Variants in FNDC1 observed in about 807,000 individuals in gnomAD.
The protein encoded by FNDC1 is fibronectin type III domain containing 1.
In FNDC1, 96 loss-of-function variants were observed where a neutral mutation model predicts 168.0. That is an observed-to-expected ratio of 0.57 (90% confidence interval 0.48 to 0.68). FNDC1 has a LOEUF of 0.68. FNDC1 is among the 30% of genes least tolerant of loss of function. FNDC1 has a pLI of 0.00. For synonymous variants in FNDC1, 1,099 were observed against 1,025.9 expected (o/e 1.07, Z -1.36); for missense variants, 2,587 against 2,482.1 (o/e 1.04, Z -0.90).
chr6:159,225,456 G>A (rs1252146965), intron 7 of FNDC1, 79 bp from the exon 8 acceptor site: 4 of 1,186,952 alleles, frequency 3.4e-6, no homozygotes, highest in Admixed American at 4.4e-5. Context: ...CATCACTTAT[G>A]AGGAAGGAAA....
chr6:159,192,807 T>C (rs1003462336), intron 1 of FNDC1, among the ~76,000 whole-genome samples: 11 of 152,286 alleles, frequency 7.2e-5, no homozygotes, highest in African/African-American at 2.6e-4. Flanking sequence ...TCCCTACTTC[T>C]TGGAGCCCAG....
At chr6:159,215,674 C>T (rs1782695204) in intron 5 of FNDC1, among the ~76,000 whole-genome samples, 1 of 152,128 alleles carries the variant, frequency 6.6e-6, no homozygotes, top group African/African-American at 2.4e-5. Context: ...CACAATAGGC[C>T]ATCTGCAGGC....
At position 159,271,457 on chromosome 6, in the gene FNDC1, T is replaced by C; in HGVS notation, c.*15T>C. The C allele has an allele frequency of 6.3e-7, 1 of 1,580,644 alleles. No individual in the cohort carries two copies. Among genetic ancestry groups the C allele is most frequent in the Non-Finnish European group, 8.6e-7 (1 of 1,157,694 alleles). ...GAAAGTGGTAATCACAGGACCGTCA[T>C]GCTGCAAGCTTGCCCTGCCCAGCCC... On this transcript the variant is annotated 3_prime_UTR_variant, in exon 23 of 23. Coordinates refer to ENST00000297267, the MANE Select transcript of FNDC1 (RefSeq NM_032532.3).
chr6:159,234,314 A>T lies in FNDC1; in HGVS notation c.3802A>T (p.Thr1268Ser). 3.1e-6 allele frequency: 5 copies of T among 1,608,690 alleles called. No individual in the cohort carries two copies. Among genetic ancestry groups the T allele is most frequent in the Non-Finnish European group, 4.2e-6 (5 of 1,177,748 alleles). Residue 1268 changes from threonine (T) to serine (S), a missense_variant, in exon 11 of 23, where the codon ACC becomes TCC. Thr to Ser is a moderately conservative substitution (Grantham distance 58). Coordinates refer to ENST00000297267, the MANE Select transcript of FNDC1 (RefSeq NM_032532.3). ...CCGACTGCCGCCTCGCAGCGCTGCC[A>T]CCGTGAGCCCCGTCGCGGGCACCCA... is the stretch of plus-strand genomic sequence containing the variant. ...PSRLPPRSAA[T>S]VSPVAGTHPW...
chr6:159,264,261 G>A (rs1777549172), intron 19 of FNDC1, among the ~76,000 whole-genome samples: 2 of 152,192 alleles, frequency 1.3e-5, no homozygotes, highest in Admixed American at 6.5e-5. Flanking sequence ...CTAGTTTATA[G>A]GCAAACATTC....
Position 159,232,079 on chromosome 6 carries a change from C to T in FNDC1, c.1567C>T (p.Pro523Ser). ...GGCTAATGGTGGGGCGCCCCGAAAA[C>T]CCCAGCTTCGCGCCAAGAAGGCAGA... ...ILANGGAPRK[P>S]QLRAKKAEEL... The change falls in exon 11 of 23, where the codon CCC (proline) becomes TCC (serine). Residue 523 changes from proline to serine, a missense_variant. Physicochemically the swap from Pro to Ser is moderately conservative, Grantham distance 74 (BLOSUM62 -1). Transcript: ENST00000297267. This position sits in a 1 kb window ranked among gnomAD's most constrained non-coding sequence, Gnocchi z 4.9. 1 of 1,613,834 alleles carries T rather than the reference C, an allele frequency of 6.2e-7. No individual in the cohort carries two copies. Among genetic ancestry groups the T allele is most frequent in the Non-Finnish European group, 8.5e-7 (1 of 1,179,816 alleles).
intron 9 of FNDC1, among the ~76,000 whole-genome samples, chr6:159,227,463 C>T (rs962179106): frequency 2.6e-5 from 4 of 152,134 alleles, no homozygotes; most frequent in African/African-American, 7.2e-5. Flanking sequence ...TTGAGAATTT[C>T]TTAATTGAAA....
At chr6:159,207,295 G>A (rs1398584428) in intron 4 of FNDC1, among the ~76,000 whole-genome samples, 2 of 152,184 alleles carry the variant, frequency 1.3e-5, no homozygotes, top group Non-Finnish European at 2.9e-5. Flanking sequence ...AGGCTGATGA[G>A]CGACTGTTCC....
chr6:159,269,780 C>A (rs914636493), intron 22 of FNDC1, among the ~76,000 whole-genome samples: 1 of 152,178 alleles, frequency 6.6e-6, no homozygotes, highest in Non-Finnish European at 1.5e-5. Context: ...CACTTGCAGG[C>A]AGAGTTACCT....
chr6:159,214,792 A>G (rs907574790), intron 4 of FNDC1, among the ~76,000 whole-genome samples, 153 bp from the exon 5 acceptor site: 1 of 152,164 alleles, frequency 6.6e-6, no homozygotes, highest in African/African-American at 2.4e-5. Flanking sequence ...CCCTTGGGGG[A>G]AAAATGTCCT....
At chr6:159,212,055 C>G (rs1782617326) in intron 4 of FNDC1, among the ~76,000 whole-genome samples, 1 of 152,202 alleles carries the variant, frequency 6.6e-6, no homozygotes, top group Admixed American at 6.5e-5. Context: ...ATACTTGAAT[C>G]CTGTCTGGTT....
chr6:159,182,728 ATAGCATATTCAAAGATGTT>A (rs1262274443), intron 1 of FNDC1, among the ~76,000 whole-genome samples: 1 of 152,212 alleles, frequency 6.6e-6, no homozygotes, highest in Non-Finnish European at 1.5e-5. Flanking sequence ...ACCCAATTGA[ATAGCATATTCAAAGATGTT>A]TACCTTTGAA....
rs983153769 is a variant in FNDC1, at chr6:159,225,826, C to T, written c.1072+104C>T. On this transcript the variant is annotated intron_variant, in intron 8 of 22. Coordinates refer to ENST00000297267, the MANE Select transcript of FNDC1 (RefSeq NM_032532.3). ...CAATAGTGACAAAGGCCAGCGTGGG[C>T]ATTTTTGAAAGTCATGTTAATCCTA... 27 of 1,001,372 alleles carry T rather than the reference C, an allele frequency of 2.7e-5. No individual in the cohort carries two copies. In the Middle Eastern group the frequency reaches 6.5e-4, roughly 24 times the overall value. The allele number at this position is 1,001,372 out of a possible 1,614,324, so 62.0% of individuals were successfully genotyped here.
At chr6:159,182,576 A>G (rs368533477) in intron 1 of FNDC1, among the ~76,000 whole-genome samples, 1 of 152,210 alleles carries the variant, frequency 6.6e-6, no homozygotes, top group Non-Finnish European at 1.5e-5. Context: ...CTCAGCTGAT[A>G]GTAAATGCCT....
intron 6 of FNDC1, among the ~76,000 whole-genome samples, chr6:159,222,362 G>A (rs999327501): frequency 1.3e-5 from 2 of 152,178 alleles, no homozygotes; most frequent in Admixed American, 1.3e-4. Flanking sequence ...CAAATACAAT[G>A]TTTCTCTCTT....
chr6:159,214,975 T>G lies in FNDC1; in HGVS notation c.491T>G (p.Val164Gly), dbSNP rs1782679786. The stretch of plus-strand genomic sequence containing the variant: ...GAAGTGCCCAACAAGCCCTTGCGTG[T>G]GCGTGTCCGGTCCTCAGATGACAGG... Reference protein sequence around the residue: ...EKEVPNKPLRVRVRSSDDRLS... With the variant: ...EKEVPNKPLRGRVRSSDDRLS... Residue 164 changes from valine to glycine, a missense_variant, in exon 5 of 23, where the codon GTG becomes GGG. Transcript: ENST00000297267. The G allele has an allele frequency of 3.1e-6, 5 of 1,613,894 alleles. No individual in the cohort carries two copies. The highest frequency in any genetic ancestry group is 4.2e-6 in the Non-Finnish European group (5 of 1,179,890).
At chr6:159,182,985 G>A (rs376536262) in intron 1 of FNDC1, among the ~76,000 whole-genome samples, 1 of 152,216 alleles carries the variant, frequency 6.6e-6, no homozygotes, top group African/African-American at 2.4e-5. Context: ...AGGGAGAATT[G>A]GCCAAGAGCT....
intron 7 of FNDC1, among the ~76,000 whole-genome samples, chr6:159,223,967 T>C (rs1782900252): frequency 6.6e-6 from 1 of 152,188 alleles, no homozygotes; most frequent in Non-Finnish European, 1.5e-5. Flanking sequence ...TGTTTTGCTT[T>C]CTCTCATTGA....
intron 21 of FNDC1, 82 bp downstream of exon 21, chr6:159,266,327 C>A: frequency 7.0e-7 from 1 of 1,430,640 alleles, no homozygotes. Context: ...ACAGGTGCAT[C>A]GGAATGTTTA....
Sources: allele counts gnomAD v4.1 joint callset (sites outside exome capture counted in the v4.1 genomes callset), GRCh38; gene constraint gnomAD v4.1.1; non-coding constraint Gnocchi (gnomAD v3.1); transcripts MANE v1.5; gene names NCBI Gene and HGNC (gene_info 2026-07-23, HGNC 2026-07-21).